CPED1: variants seen among roughly 807,000 people sequenced by gnomAD.
CPED1 encodes the protein cadherin-like and PC-esterase domain-containing protein 1.
A neutral mutation model predicts 128.2 loss-of-function variants in CPED1; 114 were observed. The ratio of observed to expected loss-of-function variants is 0.89; its 90% CI spans 0.76 to 1.04. The LOEUF is 1.04. Among genes scored for constraint, CPED1 ranks in the 50% least tolerant of loss-of-function variants. The probability of loss-of-function intolerance (pLI) is 0.00; values close to 1 mark genes in which losing one functional copy is unlikely to be tolerated. For missense variants in CPED1, 1,211 were observed against 1,207.1 expected, an observed-to-expected ratio of 1.00 and a Z score of -0.05; for synonymous variants, 462 against 426.7, an observed-to-expected ratio of 1.08 and a Z score of -1.02.
intron 16 of CPED1, among the ~76,000 whole-genome samples, chr7:121,198,305 A>C (rs1797314833): frequency 6.6e-6 from 1 of 152,142 alleles, no homozygotes; most frequent in African/African-American, 2.4e-5. Flanking sequence ...TCATGAGCAC[A>C]CATCTTTTTT....
chr7:121,106,203 T>C (rs1232130678), intron 7 of CPED1, among the ~76,000 whole-genome samples: 1 of 152,154 alleles, frequency 6.6e-6, no homozygotes, highest in African/African-American at 2.4e-5. Flanking sequence ...ATTATGGATT[T>C]ACATATTCCA....
chr7:121,197,533 G>A (rs1205171250), intron 16 of CPED1, among the ~76,000 whole-genome samples: 1 of 152,100 alleles, frequency 6.6e-6, no homozygotes, highest in African/African-American at 2.4e-5. Flanking sequence ...GGCACAGGGA[G>A]GTTAAGTAAT....
Position 121,103,631 on chromosome 7 carries a change from T to G in CPED1, c.918+3537T>G, listed in dbSNP as rs144486997. ...AAAAACTACCCACGCTATACCAGCA[T>G]GTTATTAAACACTGTCCTTAAATTC... On this transcript the variant is annotated intron_variant, in intron 7 of 22. Coordinates refer to ENST00000310396, the MANE Select transcript of CPED1 (RefSeq NM_024913.5). Among the ~76,000 whole-genome samples, 52 of 152,254 alleles carry G rather than the reference T, an allele frequency of 3.4e-4. 1 individual carries two copies. The East Asian group carries it at 9.9e-3, about 29-fold the overall frequency.
At chr7:121,278,317 TA>T (rs1792369213) in intron 22 of CPED1, among the ~76,000 whole-genome samples, 2 of 152,162 alleles carry the variant, frequency 1.3e-5, no homozygotes, top group Admixed American at 1.3e-4. Context: ...TTCAGGTAAA[TA>T]GTGTGTGGGG....
chr7:121,213,208 G>A (rs1041277448), intron 16 of CPED1, among the ~76,000 whole-genome samples: 45 of 151,924 alleles, frequency 3.0e-4, no homozygotes, highest in Non-Finnish European at 4.1e-4. Context: ...TTCAGTCTAT[G>A]AAGCATGGAT....
intron 5 of CPED1, among the ~76,000 whole-genome samples, chr7:121,089,821 A>G (rs757826140): frequency 1.3e-5 from 2 of 152,186 alleles, no homozygotes; most frequent in African/African-American, 2.4e-5. Flanking sequence ...TTTATACTAA[A>G]TTATCCACCT....
chr7:121,050,466 T>G (rs952025067), intron 4 of CPED1: 1 of 147,614 alleles, frequency 6.8e-6, no homozygotes, highest in East Asian at 2.0e-4. Context: ...ATAGGTTTTT[T>G]TTTTTTTTTT....
intron 18 of CPED1, among the ~76,000 whole-genome samples, chr7:121,257,988 T>A (rs1372650611): frequency 1.3e-5 from 2 of 152,058 alleles, no homozygotes; most frequent in African/African-American, 4.8e-5. Flanking sequence ...TTCTTCCACA[T>A]ATACATAAGG....
rs58389973 is a variant in CPED1 at position 121,189,799 on chromosome 7, A to ATATATATATATATATAT, written c.2056-46915_2056-46914insTATATATATATATATAT. ...ATATATATATATATATATATATATA[A>ATATATATATATATATAT]AATTTGTATTTATTGCCTATTTTAT... On this transcript the variant is annotated intron_variant, in intron 16 of 22. Coordinates refer to ENST00000310396, the MANE Select transcript of CPED1 (RefSeq NM_024913.5). Among the ~76,000 whole-genome samples the ATATATATATATATATAT allele has an allele frequency of 7.8e-3, 245 of 31,216 alleles. 11 individuals carry two copies. Among genetic ancestry groups the ATATATATATATATATAT allele is most frequent in the South Asian group, 0.016 (12 of 770 alleles). 20.5% of individuals were successfully genotyped at this position (31,216 alleles called of 152,430 possible).
chr7:121,041,740 T>C lies in CPED1; in HGVS notation c.434-5147T>C, dbSNP rs138272522. Reference sequence around the variant, plus strand: ...TTTAAAACCAAACAAAACAAAAACCTCTAAAAATTGCTCTTACTTTTAACA... The same window carrying C: ...TTTAAAACCAAACAAAACAAAAACCCCTAAAAATTGCTCTTACTTTTAACA... On this transcript the variant is annotated intron_variant, in intron 3 of 22. Coordinates refer to ENST00000310396, the MANE Select transcript of CPED1 (RefSeq NM_024913.5). Among the ~76,000 whole-genome samples, 858 of 152,212 alleles carry C rather than the reference T, an allele frequency of 5.6e-3. 3 individuals are homozygous for C. Among genetic ancestry groups the C allele is most frequent in the East Asian group, 0.023 (119 of 5,182 alleles).
intron 7 of CPED1, among the ~76,000 whole-genome samples, chr7:121,112,823 C>T (rs946389139): frequency 6.6e-6 from 1 of 152,104 alleles, no homozygotes; most frequent in South Asian, 2.1e-4. Context: ...GAATTTGTGA[C>T]CATTTTTTTG....
At chr7:121,064,685 C>G (rs1368822137) in intron 5 of CPED1, among the ~76,000 whole-genome samples, 1 of 152,040 alleles carries the variant, frequency 6.6e-6, no homozygotes, top group Non-Finnish European at 1.5e-5. Flanking sequence ...TTAAATTATT[C>G]TGATCCTAAA....
chr7:121,028,757 A>G (rs746412329), intron 3 of CPED1, among the ~76,000 whole-genome samples: 7 of 152,178 alleles, frequency 4.6e-5, no homozygotes, highest in Non-Finnish European at 8.8e-5. Flanking sequence ...GATGCTTTTC[A>G]TTTGCATAAA....
intron 16 of CPED1, among the ~76,000 whole-genome samples, chr7:121,188,958 T>C (rs1436608882): frequency 6.6e-6 from 1 of 152,010 alleles, no homozygotes; most frequent in East Asian, 1.9e-4. Context: ...CTAAAGAAAA[T>C]TGAGGCAAAG....
rs184818550 is a variant in CPED1 at position 121,136,036 on chromosome 7, T to G, written c.1649-4T>G. The G allele has an allele frequency of 1.2e-5, 19 of 1,524,660 alleles. No individual in the cohort carries two copies. The Admixed American group carries it at 2.5e-4, about 20-fold the overall frequency. The allele number at this position is 1,524,660 out of a possible 1,614,324, so 94.4% of individuals were successfully genotyped here. On this transcript the variant is annotated splice_region_variant and splice_polypyrimidine_tract_variant and intron_variant, in intron 13 of 22. Transcript: ENST00000310396. ...TTTAAATTTACATTTCTTTTTTTTTTTAGCTGCAGTTCCACAAATTAAAAA... is the reference window on the plus strand; with the variant it reads ...TTTAAATTTACATTTCTTTTTTTTTGTAGCTGCAGTTCCACAAATTAAAAA...
intron 22 of CPED1, among the ~76,000 whole-genome samples, chr7:121,289,977 C>A (rs1348240055): frequency 6.6e-6 from 1 of 152,068 alleles, no homozygotes; most frequent in African/African-American, 2.4e-5. Context: ...TCCTGACAGG[C>A]CCCAGTGTGT....
chr7:121,267,607 T>A (rs1792154328), intron 21 of CPED1, among the ~76,000 whole-genome samples: 1 of 152,022 alleles, frequency 6.6e-6, no homozygotes, highest in South Asian at 2.1e-4. Flanking sequence ...TTAAAAATAG[T>A]CTTTGAAGTA....
intron 7 of CPED1, among the ~76,000 whole-genome samples, chr7:121,112,952 A>T (rs1194053283): frequency 6.6e-6 from 1 of 152,208 alleles, no homozygotes; most frequent in African/African-American, 2.4e-5. Flanking sequence ...GGAAAACAAG[A>T]GAAGTGGGAA....
In CPED1 at chr7:121,248,222, G is replaced by A. The variant is rs113836938; in HGVS notation, c.2310+3884G>A. Among the ~76,000 whole-genome samples, 4 of 152,152 alleles carry A rather than the reference G, an allele frequency of 2.6e-5. 1 individual carries two copies. Among genetic ancestry groups the A allele is most frequent in the African/African-American group, 9.7e-5 (4 of 41,430 alleles). ...GAGCACTAAGAGGGATGACATGTGT[G>A]GTTTCATGGGCTGGAACAGGAGCAA... On this transcript the variant is annotated intron_variant, in intron 18 of 22. Transcript: ENST00000310396.
Sources: allele counts gnomAD v4.1 joint callset (sites outside exome capture counted in the v4.1 genomes callset), GRCh38; gene constraint gnomAD v4.1.1; transcripts MANE v1.5; gene names NCBI Gene and HGNC (gene_info 2026-07-23, HGNC 2026-07-21).